Variants in PITPNC1 observed in about 807,000 individuals in gnomAD.
PITPNC1 encodes the protein phosphatidylinositol transfer protein cytoplasmic 1.
A neutral mutation model predicts 44.7 loss-of-function variants in PITPNC1; 18 were observed. The observed-to-expected ratio is 0.40, with a 90% CI of 0.28 to 0.60. PITPNC1 has a LOEUF of 0.60. PITPNC1 is among the 20% of genes least tolerant of loss of function. The probability of loss-of-function intolerance (pLI) is 0.39; values close to 1 mark genes in which losing one functional copy is unlikely to be tolerated. For missense variants in PITPNC1, 290 were observed against 418.4 expected (o/e 0.69, Z 2.68); for synonymous variants, 141 against 149.6 (o/e 0.94, Z 0.42).
chr17:67,611,920 C>G (rs899104089), intron 5 of PITPNC1: 4 of 152,174 alleles, frequency 2.6e-5, no homozygotes, highest in Admixed American at 6.5e-5. Flanking sequence ...CCTAATTTAA[C>G]GAAAGTAACA....
chr17:67,534,641 A>T (rs1012537623), intron 2 of PITPNC1, among the ~76,000 whole-genome samples: 9 of 151,344 alleles, frequency 5.9e-5, no homozygotes, highest in Non-Finnish European at 1.3e-4. Flanking sequence ...CTTGTCTCAA[A>T]AAAAAAGAAA....
intron 5 of PITPNC1, among the ~76,000 whole-genome samples, chr17:67,599,467 C>T (rs1433361079): frequency 6.6e-6 from 1 of 151,836 alleles, no homozygotes; most frequent in Admixed American, 6.6e-5. Context: ...GGAATATTGA[C>T]GTTTAATGGG....
intron 4 of PITPNC1, among the ~76,000 whole-genome samples, chr17:67,565,433 C>T (rs539127730): frequency 5.4e-5 from 8 of 148,068 alleles, no homozygotes; most frequent in South Asian, 4.3e-4. Context: ...CCATGGTTTT[C>T]GGTGTGTATA....
At chr17:67,463,852 C>T (rs1182003178) in intron 1 of PITPNC1, among the ~76,000 whole-genome samples, 2 of 151,776 alleles carry the variant, frequency 1.3e-5, no homozygotes, top group Non-Finnish European at 2.9e-5. Flanking sequence ...GCTTGCAGCA[C>T]CACTGCACTC....
In PITPNC1 at chr17:67,405,076, G is replaced by A. The variant is rs569365643; in HGVS notation, c.48+26874G>A. On this transcript the variant is annotated intron_variant, in intron 1 of 8. Transcript: ENST00000581322. The stretch of plus-strand genomic sequence containing the variant: ...AGCCTGGCCAACATGGTGAAACCCT[G>A]TGTCTACTAAAAATACAAAAATTAG... 3.9e-5 allele frequency among the ~76,000 whole-genome samples: 6 copies of A among 152,108 alleles called. No individual in the cohort carries two copies. In the South Asian group the frequency reaches 1.2e-3, roughly 32 times the overall value.
At chr17:67,575,070 C>T (rs534967478) in intron 4 of PITPNC1, among the ~76,000 whole-genome samples, 4 of 152,084 alleles carry the variant, frequency 2.6e-5, no homozygotes, top group Admixed American at 6.5e-5. Flanking sequence ...TGGGTAAAAA[C>T]TCCTCACAGT....
At chr17:67,449,074 T>C (rs1244754232) in intron 1 of PITPNC1, among the ~76,000 whole-genome samples, 1 of 152,240 alleles carries the variant, frequency 6.6e-6, no homozygotes, top group Non-Finnish European at 1.5e-5. Flanking sequence ...GCCAGGTACA[T>C]TGATCTTCTA....
At chr17:67,484,442 C>T (rs572435610) in intron 1 of PITPNC1, among the ~76,000 whole-genome samples, 4 of 152,326 alleles carry the variant, frequency 2.6e-5, no homozygotes, top group Admixed American at 1.3e-4. Context: ...TCAAATCATT[C>T]ATCTCTAGCT....
intron 1 of PITPNC1, among the ~76,000 whole-genome samples, chr17:67,438,046 C>T (rs566459728): frequency 4.4e-4 from 65 of 149,240 alleles, no homozygotes; most frequent in African/African-American, 1.5e-3. Flanking sequence ...CCATCCTGGG[C>T]GGCAGAGCGA....
chr17:67,465,862 G>A (rs143614205), intron 1 of PITPNC1, among the ~76,000 whole-genome samples: 1 of 152,124 alleles, frequency 6.6e-6, no homozygotes, highest in African/African-American at 2.4e-5. Flanking sequence ...TCATGGAGAT[G>A]ATGTATGGGA....
At chr17:67,391,756 C>T (rs2038142348) in intron 1 of PITPNC1, among the ~76,000 whole-genome samples, 2 of 152,064 alleles carry the variant, frequency 1.3e-5, no homozygotes, top group African/African-American at 4.8e-5. Flanking sequence ...GTTGGGATTA[C>T]AGGAGTGAGC....
intron 7 of PITPNC1, among the ~76,000 whole-genome samples, chr17:67,670,275 C>T (rs2042491624): frequency 6.6e-6 from 1 of 152,116 alleles, no homozygotes; most frequent in African/African-American, 2.4e-5. Context: ...TACTCCCAGA[C>T]AGAGAAACTT....
intron 5 of PITPNC1, among the ~76,000 whole-genome samples, chr17:67,614,941 G>A (rs1470181765): frequency 6.6e-6 from 1 of 151,472 alleles, no homozygotes; most frequent in East Asian, 1.9e-4. Flanking sequence ...CAAGAGTGGC[G>A]GGTTTCTCCC....
At chr17:67,546,449 G>GC in intron 2 of PITPNC1, among the ~76,000 whole-genome samples, 1 of 152,024 alleles carries the variant, frequency 6.6e-6, no homozygotes, top group Non-Finnish European at 1.5e-5. Context: ...ATGCTACCGG[G>GC]CCCCTCTTCC....
chr17:67,539,692 G>C lies in PITPNC1; in HGVS notation c.197+6742G>C, dbSNP rs548626692. 1.6e-4 allele frequency among the ~76,000 whole-genome samples: 25 copies of C among 152,228 alleles called. No homozygotes were observed. The East Asian group carries it at 3.5e-3, about 21-fold the overall frequency. On this transcript the variant is annotated intron_variant, in intron 2 of 8. Coordinates refer to ENST00000581322, the MANE Select transcript of PITPNC1 (RefSeq NM_012417.4). ...TCTCTACTAAAAATATTAAAAATTG[G>C]CCGGGCGTGGTGGCGGGCACCTGGA...
intron 1 of PITPNC1, among the ~76,000 whole-genome samples, chr17:67,519,197 G>A (rs8073050): frequency 0.042 from 3,750 of 88,908 alleles, 181 homozygotes; most frequent in African/African-American, 0.15. Flanking sequence ...TTTTTTTTGA[G>A]ATGATGTCTT....
At position 67,379,529 on chromosome 17, in the gene PITPNC1, A is replaced by T. The variant is rs773721079; in HGVS notation, c.48+1327A>T. On this transcript the variant is annotated intron_variant, in intron 1 of 8. Coordinates refer to ENST00000581322, the MANE Select transcript of PITPNC1 (RefSeq NM_012417.4). ...CAACCGAGTTTTGGAGTTCGTTGGCATTTGAGGAGGTAGCATTTAAGCAGG... is the reference window on the plus strand; with the variant it reads ...CAACCGAGTTTTGGAGTTCGTTGGCTTTTGAGGAGGTAGCATTTAAGCAGG... 26 of 242,006 alleles carry T rather than the reference A, an allele frequency of 1.1e-4. No homozygotes were observed. The South Asian group carries it at 2.9e-3, about 27-fold the overall frequency. 15.0% of individuals were successfully genotyped at this position (242,006 alleles called of 1,614,324 possible).
intron 4 of PITPNC1, among the ~76,000 whole-genome samples, chr17:67,577,629 T>A (rs9915311): frequency 0.079 from 11,943 of 150,770 alleles, 1,552 homozygotes; most frequent in African/African-American, 0.27. Flanking sequence ...AATTTAAAAA[T>A]TTTTTTTATT....
chr17:67,688,723 C>T (rs2042867509), intron 8 of PITPNC1, among the ~76,000 whole-genome samples: 2 of 152,086 alleles, frequency 1.3e-5, no homozygotes, highest in Admixed American at 1.3e-4. Context: ...AATGTTGGGC[C>T]CCAGTTCCCC....
Sources: allele counts gnomAD v4.1 joint callset (sites outside exome capture counted in the v4.1 genomes callset), GRCh38; gene constraint gnomAD v4.1.1; transcripts MANE v1.5; gene names NCBI Gene and HGNC (gene_info 2026-07-23, HGNC 2026-07-21).